Variants in JAKMIP1 observed in about 807,000 individuals in gnomAD.
JAKMIP1 encodes the protein janus kinase and microtubule interacting protein 1.
Under a neutral mutation model 113.0 loss-of-function variants are expected in JAKMIP1, and 33 were observed. That is an observed-to-expected ratio of 0.29 (90% CI 0.22 to 0.39). The LOEUF is 0.39. Ranked by LOEUF, JAKMIP1 falls within the 10% of genes least tolerant of loss-of-function variation. The pLI is 1.00. For missense variants in JAKMIP1, 813 were observed against 1,080.5 expected (o/e 0.75, Z 3.47); for synonymous variants, 480 against 459.9 (o/e 1.04, Z -0.56).
chr4:6,098,760 GAGAAAGAAAAGAA>G (rs1316819382), intron 3 of JAKMIP1, among the ~76,000 whole-genome samples: 4 of 149,266 alleles, frequency 2.7e-5, no homozygotes, highest in African/African-American at 9.8e-5. Flanking sequence ...AGGAAAGAAA[GAGAAAGAAAAGAA>G]AGAAAGAAAG....
chr4:6,048,948 A>G lies in JAKMIP1; in HGVS notation c.1963-26T>C, dbSNP rs756541661. 6 of 1,593,728 alleles carry G rather than the reference A, an allele frequency of 3.8e-6. No individual in the cohort carries two copies. In the South Asian group the frequency reaches 5.5e-5, roughly 15 times the overall value. ...CTAAAACACAAAAATGGGCAAGGGC[A>G]TTTGACACTGGATCCCAAATCCACG... On this transcript the variant is annotated intron_variant, in intron 15 of 20. Transcript: ENST00000409021.
In JAKMIP1 at chr4:6,076,436, G is replaced by GA. The variant is rs961751804; in HGVS notation, c.1302+2502dup. On this transcript the variant is annotated intron_variant, in intron 8 of 20. Coordinates refer to ENST00000409021, the MANE Select transcript of JAKMIP1 (RefSeq NM_001099433.2). The surrounding 1 kb of genome is among the most constrained non-coding windows in gnomAD (Gnocchi z 4.8). ...ATATGTCTTCTGTAGCTGTAAAATT[G>GA]AAAAAATAATACCAACTATATGGGG... 6.6e-6 allele frequency among the ~76,000 whole-genome samples: 1 copy of GA among 151,664 alleles called. No individual in the cohort carries two copies. The highest frequency in any genetic ancestry group is 2.4e-5 in the African/African-American group (1 of 41,274).
rs1717752035 is a variant in JAKMIP1, at chr4:6,064,395, G to A, written c.1431+485C>T. ...GACAGGGTGAGGCGGTGACCTTGGG[G>A]TGATGGGACTTCAGGGCTCTTCACC... On this transcript the variant is annotated intron_variant, in intron 9 of 20. Coordinates refer to ENST00000409021, the MANE Select transcript of JAKMIP1 (RefSeq NM_001099433.2). This position sits in a 1 kb window ranked among gnomAD's most constrained non-coding sequence, Gnocchi z 4.3. Among the ~76,000 whole-genome samples, 1 of 152,198 alleles carries A rather than the reference G, an allele frequency of 6.6e-6. No homozygotes were observed. Among genetic ancestry groups the A allele is most frequent in the South Asian group, 2.1e-4 (1 of 4,814 alleles).
intron 1 of JAKMIP1, among the ~76,000 whole-genome samples, chr4:6,120,158 TATCCTAAAGA>T (rs1716486978): frequency 6.7e-6 from 1 of 148,922 alleles, no homozygotes; most frequent in African/African-American, 2.5e-5. Flanking sequence ...GAAAACAGTT[TATCCTAAAGA>T]ATCTAGCCAC....
In JAKMIP1 at chr4:6,156,163, A is replaced by G. The variant is rs1392718876; in HGVS notation, c.-147-43166T>C. Among the ~76,000 whole-genome samples, 1 of 152,210 alleles carries G rather than the reference A, an allele frequency of 6.6e-6. No homozygotes were observed. The highest frequency in any genetic ancestry group is 1.5e-5 in the Non-Finnish European group (1 of 68,040). On this transcript the variant is annotated intron_variant, in intron 1 of 20. Coordinates refer to ENST00000409021, the MANE Select transcript of JAKMIP1 (RefSeq NM_001099433.2). The surrounding 1 kb of genome is among the most constrained non-coding windows in gnomAD (Gnocchi z 5.0). The stretch of plus-strand genomic sequence containing the variant: ...TTTCTTGGGAGCAGAGACCGGGAAC[A>G]TCTTCTCACCGTACCACGCCCGGCA...
chr4:6,169,382 G>C (rs1578445989), intron 1 of JAKMIP1, among the ~76,000 whole-genome samples: 1 of 151,470 alleles, frequency 6.6e-6, no homozygotes, highest in African/African-American at 2.4e-5. Flanking sequence ...TGACGATGGA[G>C]GCAGAGCCTG....
chr4:6,190,825 T>C (rs1337329910), intron 1 of JAKMIP1, among the ~76,000 whole-genome samples: 1 of 152,228 alleles, frequency 6.6e-6, no homozygotes, highest in Non-Finnish European at 1.5e-5. Flanking sequence ...ATGTCTCCCT[T>C]GTGGCTCCTG....
At chr4:6,070,163 G>A (rs1023545456) in intron 8 of JAKMIP1, 4 of 398,600 alleles carry the variant, frequency 1.0e-5, no homozygotes, top group Admixed American at 8.8e-5. Flanking sequence ...CATATTCCAT[G>A]GTGGCGTGAA....
chr4:6,059,495 C>T lies in JAKMIP1; in HGVS notation c.1644+929G>A, dbSNP rs1716959795. Among the ~76,000 whole-genome samples, 1 of 152,124 alleles carries T rather than the reference C, an allele frequency of 6.6e-6. No homozygotes were observed. The highest frequency in any genetic ancestry group is 2.4e-5 in the African/African-American group (1 of 41,426). ...TAGACCTTGCCTGGCCTCCTCAGCC[C>T]CCCATAGATGCCTCTCTGCAGGCAG... On this transcript the variant is annotated intron_variant, in intron 11 of 20. Coordinates refer to ENST00000409021, the MANE Select transcript of JAKMIP1 (RefSeq NM_001099433.2). The surrounding 1 kb of genome is among the most constrained non-coding windows in gnomAD (Gnocchi z 4.8).
intron 1 of JAKMIP1, among the ~76,000 whole-genome samples, chr4:6,146,957 GT>G (rs113435961): frequency 2.6e-5 from 4 of 151,560 alleles, no homozygotes; most frequent in East Asian, 1.9e-4. Context: ...GCCTAATTCA[GT>G]TTTTTTTTGT....
chr4:6,032,265 C>A (rs1383605238), intron 19 of JAKMIP1, among the ~76,000 whole-genome samples: 6 of 152,222 alleles, frequency 3.9e-5, no homozygotes, highest in Non-Finnish European at 7.3e-5. Flanking sequence ...CCCCCAGGAA[C>A]AACTTCTGGG....
chr4:6,145,172 A>T (rs952364976), intron 1 of JAKMIP1, among the ~76,000 whole-genome samples: 3 of 152,216 alleles, frequency 2.0e-5, no homozygotes, highest in Non-Finnish European at 2.9e-5. Context: ...GATCAGCATG[A>T]TCATTAATAA....
At chr4:6,120,588 G>A (rs1716569458) in intron 1 of JAKMIP1, among the ~76,000 whole-genome samples, 1 of 152,256 alleles carries the variant, frequency 6.6e-6, no homozygotes, top group Non-Finnish European at 1.5e-5. Context: ...GCAGCACCTG[G>A]AGAGATGGGG....
At chr4:6,123,623 C>A (rs1717001951) in intron 1 of JAKMIP1, among the ~76,000 whole-genome samples, 1 of 152,124 alleles carries the variant, frequency 6.6e-6, no homozygotes, top group Non-Finnish European at 1.5e-5. Flanking sequence ...AGTTCAAGAC[C>A]AGTTTGGGCA....
chr4:6,102,949 G>C (rs1713318970), intron 3 of JAKMIP1, among the ~76,000 whole-genome samples: 3 of 151,454 alleles, frequency 2.0e-5, no homozygotes, highest in South Asian at 4.2e-4. Context: ...TAGCCAGGAT[G>C]GTCTCAATCT....
chr4:6,148,823 TAGA>T (rs1335765234), intron 1 of JAKMIP1, among the ~76,000 whole-genome samples: 2 of 152,230 alleles, frequency 1.3e-5, no homozygotes, highest in African/African-American at 4.8e-5. Flanking sequence ...AGGCCTGGCC[TAGA>T]AGAAGCCCCC....
At chr4:6,100,631 T>TA (rs1293693760) in intron 3 of JAKMIP1, among the ~76,000 whole-genome samples, 1 of 152,214 alleles carries the variant, frequency 6.6e-6, no homozygotes, top group Non-Finnish European at 1.5e-5. Context: ...GTCCTTTTTT[T>TA]AGACTTTTTA....
intron 2 of JAKMIP1, among the ~76,000 whole-genome samples, chr4:6,110,309 G>A (rs945594143): frequency 6.6e-6 from 1 of 152,068 alleles, no homozygotes; most frequent in African/African-American, 2.4e-5. Flanking sequence ...GGGAGAAGGC[G>A]GCCGTCTGCA....
Position 6,076,106 on chromosome 4 carries a change from G to A in JAKMIP1, c.1302+2833C>T, listed in dbSNP as rs906475074. Among the ~76,000 whole-genome samples, 7 of 152,164 alleles carry A rather than the reference G, an allele frequency of 4.6e-5. No homozygotes were observed. The highest frequency in any genetic ancestry group is 1.0e-4 in the Non-Finnish European group (7 of 68,040). ...CAGGAGAATCGCTTGAACCTGGGAG[G>A]CAGAGGTTGCAATGAGCCGAGATTG... On this transcript the variant is annotated intron_variant, in intron 8 of 20. Transcript: ENST00000409021. The surrounding 1 kb of genome is among the most constrained non-coding windows in gnomAD (Gnocchi z 4.8).
Sources: gnomAD v4.1 joint callset for allele counts (sites outside exome capture counted in the v4.1 genomes callset) on GRCh38, gnomAD v4.1.1 for gene constraint, Gnocchi (gnomAD v3.1) non-coding constraint, MANE v1.5 for transcripts, NCBI Gene and HGNC (gene_info 2026-07-23, HGNC 2026-07-21) for gene names.